The following COL5A2 variants were observed in gnomAD, a reference collection of about 807,000 sequenced individuals.
COL5A2 encodes collagen alpha-2(V) chain.
COL5A2 carries 23 observed loss-of-function variants against 208.2 expected under a neutral mutation model. That is an observed-to-expected ratio of 0.11 (90% CI 0.08 to 0.16). The LOEUF is 0.16. Ranked by LOEUF, COL5A2 falls within the 10% of genes least tolerant of loss-of-function variation. The probability of loss-of-function intolerance (pLI) is 1.00; values close to 1 mark genes in which losing one functional copy is unlikely to be tolerated. For synonymous variants in COL5A2, 625 were observed against 628.5 expected, an observed-to-expected ratio of 0.99 and a Z score of 0.08; for missense variants, 1,590 against 1,956.4, an observed-to-expected ratio of 0.81 and a Z score of 3.53.
chr2:189,140,797 A>C (rs1016399776), intron 1 of COL5A2, among the ~76,000 whole-genome samples: 1 of 152,186 alleles, frequency 6.6e-6, no homozygotes, highest in Non-Finnish European at 1.5e-5. Flanking sequence ...TGAGTAAGTA[A>C]TATATTTTTC....
At chr2:189,110,167 CT>C (rs1306324944) in intron 2 of COL5A2, 57 bp downstream of exon 2, 18 of 1,250,506 alleles carry the variant, frequency 1.4e-5, no homozygotes, top group Non-Finnish European at 1.9e-5. Flanking sequence ...GTGAAAAACA[CT>C]GCAACTATAA....
chr2:189,070,385 A>G (rs1294562228), intron 18 of COL5A2, among the ~76,000 whole-genome samples: 2 of 152,202 alleles, frequency 1.3e-5, no homozygotes, highest in Non-Finnish European at 2.9e-5. Context: ...TTAGTCAGAG[A>G]GCAGAGACCA....
the COL5A2 span, among the ~76,000 whole-genome samples, chr2:189,262,528 C>T: frequency 6.6e-6 from 1 of 152,052 alleles, no homozygotes; most frequent in Non-Finnish European, 1.5e-5. Context: ...ATTTATGGTT[C>T]ACCGACTAGT....
At chr2:189,091,425 C>T (rs957128848) in intron 7 of COL5A2, among the ~76,000 whole-genome samples, 1 of 152,040 alleles carries the variant, frequency 6.6e-6, no homozygotes, top group South Asian at 2.1e-4. Flanking sequence ...TTTAAATTAC[C>T]ATAGCAATTC....
At chr2:189,413,767 C>A in the COL5A2 span, among the ~76,000 whole-genome samples, 2 of 147,388 alleles carry the variant, frequency 1.4e-5, no homozygotes, top group South Asian at 4.2e-4. Context: ...AAAAGAAAAA[C>A]AGCTTCCTTG....
upstream of COL5A2, among the ~76,000 whole-genome samples, chr2:189,180,388 T>C (rs1234229441): frequency 6.6e-6 from 1 of 152,192 alleles, no homozygotes; most frequent in Non-Finnish European, 1.5e-5. Context: ...TGTCCTTTCC[T>C]AATTTCTCCA....
chr2:189,289,621 A>G, the COL5A2 span, among the ~76,000 whole-genome samples: 1 of 152,176 alleles, frequency 6.6e-6, no homozygotes, highest in Non-Finnish European at 1.5e-5. Flanking sequence ...ACATGATCTT[A>G]TATATTTTTT....
the COL5A2 span, among the ~76,000 whole-genome samples, chr2:189,406,893 T>A: frequency 1.3e-5 from 2 of 152,070 alleles, no homozygotes; most frequent in Non-Finnish European, 2.9e-5. Flanking sequence ...AATTTATAGG[T>A]GCTGAAGAAA....
the COL5A2 span, among the ~76,000 whole-genome samples, chr2:189,409,204 C>CTTTTTT: frequency 9.1e-4 from 84 of 92,082 alleles, no homozygotes; most frequent in Non-Finnish European, 1.3e-3. Flanking sequence ...TAAATTTACT[C>CTTTTTT]TTTTTTTTTT....
the COL5A2 span, among the ~76,000 whole-genome samples, chr2:189,291,789 T>C: frequency 1.3e-5 from 2 of 150,226 alleles, no homozygotes; most frequent in Non-Finnish European, 3.0e-5. Context: ...TGTGGAAAAT[T>C]AAGCTCTTTG....
At chr2:189,309,038 T>C in the COL5A2 span, among the ~76,000 whole-genome samples, 1 of 152,208 alleles carries the variant, frequency 6.6e-6, no homozygotes, top group African/African-American at 2.4e-5. Context: ...CTTGGGCAGC[T>C]CTGCTTCAAG....
rs1018486285 is a variant in COL5A2 at position 189,213,756 on chromosome 2, A to G, written c.-42+11392T>C. Among the ~76,000 whole-genome samples the G allele has an allele frequency of 3.9e-5, 6 of 152,208 alleles. No individual in the cohort carries two copies. The East Asian group carries it at 1.2e-3, about 29-fold the overall frequency. ...TAAATACATAGTTGGTGATGAAGCCACAGAGAAATGCAAGAAAGGGATTGA... is the reference window on the plus strand; with the variant it reads ...TAAATACATAGTTGGTGATGAAGCCGCAGAGAAATGCAAGAAAGGGATTGA... On this transcript the variant is annotated intron_variant, in intron 1 of 10. Coordinates refer to the COL5A2 transcript ENST00000649966.
Position 189,045,932 on chromosome 2 carries a change from T to A in COL5A2, c.3202-25A>T, listed in dbSNP as rs1011050657. 2 of 1,575,932 alleles carry A rather than the reference T, an allele frequency of 1.3e-6. 1 individual carries two copies. Among genetic ancestry groups the A allele is most frequent in the African/African-American group, 2.7e-5 (2 of 74,138 alleles). On this transcript the variant is annotated intron_variant, in intron 45 of 53. Transcript: ENST00000374866. ...CCTAACAAGAATAACCATGATATTA[T>A]TTTTTAACATTTATTCTAAAACAAC...
intron 1 of COL5A2, among the ~76,000 whole-genome samples, chr2:189,122,049 C>G (rs962790185): frequency 6.6e-6 from 1 of 152,034 alleles, no homozygotes; most frequent in Non-Finnish European, 1.5e-5. Context: ...AAGAAAGATA[C>G]AAAAGTTAAA....
the COL5A2 span, among the ~76,000 whole-genome samples, chr2:189,360,188 A>G: frequency 2.6e-5 from 4 of 152,080 alleles, no homozygotes; most frequent in African/African-American, 9.7e-5. Flanking sequence ...GTTTATTGCT[A>G]AGAACTCCTG....
At chr2:189,142,172 A>C (rs1283684215) in intron 1 of COL5A2, among the ~76,000 whole-genome samples, 1 of 152,122 alleles carries the variant, frequency 6.6e-6, no homozygotes, top group Non-Finnish European at 1.5e-5. Flanking sequence ...ATAATTTTAA[A>C]CAAAATGTTT....
the COL5A2 span, among the ~76,000 whole-genome samples, chr2:189,423,168 A>G: frequency 1.3e-5 from 2 of 151,606 alleles, no homozygotes; most frequent in East Asian, 1.9e-4. Context: ...TGAAAACACA[A>G]TATCAAAAGC....
At chr2:189,360,041 A>G in the COL5A2 span, among the ~76,000 whole-genome samples, 275 of 151,934 alleles carry the variant, frequency 1.8e-3, no homozygotes, top group African/African-American at 6.2e-3. Context: ...TTAAGTCTCC[A>G]TTTCATTTAT....
At chr2:189,173,057 C>T (rs1688604582) in intron 1 of COL5A2, among the ~76,000 whole-genome samples, 1 of 150,236 alleles carries the variant, frequency 6.7e-6, no homozygotes, top group East Asian at 2.0e-4. Context: ...TGCAGCCTCC[C>T]CCTCCCAGGT....
Sources: allele counts gnomAD v4.1 joint callset (sites outside exome capture counted in the v4.1 genomes callset), GRCh38; gene constraint gnomAD v4.1.1; transcripts MANE v1.5; gene names NCBI Gene and HGNC (gene_info 2026-07-23, HGNC 2026-07-21).